The following ANKH variants were observed in gnomAD, a reference collection of about 807,000 sequenced individuals.
The protein encoded by ANKH is mineralization regulator ANKH.
In ANKH, 15 loss-of-function variants were observed where a neutral mutation model predicts 49.0. The ratio of observed to expected loss-of-function variants is 0.31; its 90% CI spans 0.20 to 0.47. The LOEUF (loss-of-function observed/expected upper bound fraction) is 0.47. ANKH is among the 20% of genes least tolerant of loss of function. ANKH has a pLI of 1.00. For missense variants in ANKH, 429 were observed against 652.0 expected, an observed-to-expected ratio of 0.66 and a Z score of 3.72; for synonymous variants, 273 against 260.0, an observed-to-expected ratio of 1.05 and a Z score of -0.48.
At chr5:14,804,813 T>C (rs1433175262) in intron 1 of ANKH, among the ~76,000 whole-genome samples, 1 of 152,154 alleles carries the variant, frequency 6.6e-6, no homozygotes, top group Non-Finnish European at 1.5e-5. Flanking sequence ...TCCCCAGGCA[T>C]AGGATTTGGT....
intron 1 of ANKH, among the ~76,000 whole-genome samples, chr5:14,815,105 A>G (rs1380749829): frequency 6.6e-6 from 1 of 152,150 alleles, no homozygotes; most frequent in Non-Finnish European, 1.5e-5. Context: ...AATTCTGTAA[A>G]CTGTGTAGAA....
At chr5:14,857,211 G>A (rs1271463324) in intron 1 of ANKH, among the ~76,000 whole-genome samples, 6 of 152,058 alleles carry the variant, frequency 3.9e-5, no homozygotes, top group African/African-American at 1.4e-4. Flanking sequence ...CCCTGCAGGA[G>A]GTGAGATCTT....
chr5:14,794,389 T>C (rs551928798), intron 1 of ANKH, among the ~76,000 whole-genome samples: 45 of 152,342 alleles, frequency 3.0e-4, no homozygotes, highest in Admixed American at 8.5e-4. Flanking sequence ...GCCCTGGCCG[T>C]GAACGTGGGC....
intron 1 of ANKH, among the ~76,000 whole-genome samples, chr5:14,866,024 A>G (rs1047188266): frequency 6.6e-6 from 1 of 152,196 alleles, no homozygotes; most frequent in African/African-American, 2.4e-5. Context: ...ATACAAGGCA[A>G]TTTGAAATAT....
chr5:14,818,472 T>C (rs1741103218), intron 1 of ANKH, among the ~76,000 whole-genome samples: 1 of 151,558 alleles, frequency 6.6e-6, no homozygotes, highest in Non-Finnish European at 1.5e-5. Flanking sequence ...TGAACCCCTA[T>C]CTCTACTAAA....
Position 14,725,662 on chromosome 5 carries a change from G to A in ANKH, c.1012-8827C>T, listed in dbSNP as rs377173573. Among the ~76,000 whole-genome samples, 19 of 152,372 alleles carry A rather than the reference G, an allele frequency of 1.2e-4. No individual in the cohort carries two copies. Among genetic ancestry groups the A allele is most frequent in the African/African-American group, 4.6e-4 (19 of 41,576 alleles). Reference sequence around the variant, plus strand: ...AACGCTAGCAGGGGAGTCCTCTGGAGGTGGTGAGATTAGGACTGATTGAAT... The same window carrying A: ...AACGCTAGCAGGGGAGTCCTCTGGAAGTGGTGAGATTAGGACTGATTGAAT... On this transcript the variant is annotated intron_variant, in intron 8 of 11. Transcript: ENST00000284268. This position sits in a 1 kb window ranked among gnomAD's most constrained non-coding sequence, Gnocchi z 4.0.
chr5:14,796,470 C>T (rs1017601838), intron 1 of ANKH, among the ~76,000 whole-genome samples: 6 of 104,970 alleles, frequency 5.7e-5, no homozygotes, highest in African/African-American at 2.2e-4. Context: ...AAAAAACACA[C>T]ACCAACAAAA....
chr5:14,720,641 G>A (rs1737629649), intron 8 of ANKH, among the ~76,000 whole-genome samples: 2 of 152,160 alleles, frequency 1.3e-5, no homozygotes, highest in Non-Finnish European at 2.9e-5. Context: ...AGTCTGGGCT[G>A]GCTCTGTGCC....
At chr5:14,766,503 A>G (rs557514931) in intron 2 of ANKH, among the ~76,000 whole-genome samples, 1 of 152,332 alleles carries the variant, frequency 6.6e-6, no homozygotes, top group East Asian at 1.9e-4. Context: ...CCCAACCCCA[A>G]AAAGAAAGAA....
chr5:14,818,310 C>G (rs1741097575), intron 1 of ANKH, among the ~76,000 whole-genome samples: 1 of 152,034 alleles, frequency 6.6e-6, no homozygotes, highest in Non-Finnish European at 1.5e-5. Context: ...CCTCCTCTCC[C>G]TCTTGGTGCT....
At chr5:14,755,127 T>C (rs1395366594) in intron 4 of ANKH, among the ~76,000 whole-genome samples, 1 of 151,760 alleles carries the variant, frequency 6.6e-6, no homozygotes, top group Non-Finnish European at 1.5e-5. Context: ...AACCTCTTCC[T>C]CTATGAAGAA....
intron 1 of ANKH, among the ~76,000 whole-genome samples, chr5:14,804,874 T>A (rs1740660340): frequency 6.6e-6 from 1 of 152,208 alleles, no homozygotes; most frequent in South Asian, 2.1e-4. Flanking sequence ...CACTGGGACG[T>A]CTTGTGTGAG....
At chr5:14,766,847 A>G (rs1280696353) in intron 2 of ANKH, among the ~76,000 whole-genome samples, 3 of 152,198 alleles carry the variant, frequency 2.0e-5, no homozygotes, top group African/African-American at 4.8e-5. Flanking sequence ...AATCAGGAAG[A>G]CTGCTTGAAA....
intron 1 of ANKH, among the ~76,000 whole-genome samples, chr5:14,828,936 C>T (rs559831219): frequency 4.8e-4 from 73 of 152,224 alleles, no homozygotes; most frequent in Non-Finnish European, 9.3e-4. Flanking sequence ...CCTGTAATCC[C>T]AACACTTTGG....
chr5:14,858,664 C>G (rs1417731985), intron 1 of ANKH, among the ~76,000 whole-genome samples: 2 of 150,860 alleles, frequency 1.3e-5, no homozygotes, highest in Non-Finnish European at 2.9e-5. Flanking sequence ...TGCAGTGAGC[C>G]GAGATCGGGC....
intron 4 of ANKH, among the ~76,000 whole-genome samples, chr5:14,755,033 G>T (rs1738837948): frequency 7.1e-6 from 1 of 141,432 alleles, no homozygotes; most frequent in Non-Finnish European, 1.5e-5. Flanking sequence ...CCGAGATTGT[G>T]CCATTCGACA....
At chr5:14,832,852 A>C (rs1330238560) in intron 1 of ANKH, among the ~76,000 whole-genome samples, 1 of 152,232 alleles carries the variant, frequency 6.6e-6, no homozygotes, top group Admixed American at 6.5e-5. Context: ...GAATATGGCT[A>C]TCGAGATACT....
chr5:14,753,356 A>C (rs1369920142), intron 4 of ANKH, among the ~76,000 whole-genome samples: 2 of 152,206 alleles, frequency 1.3e-5, no homozygotes, highest in Non-Finnish European at 2.9e-5. Context: ...CCTTTTGCAG[A>C]AGCACCGCGC....
At chr5:14,798,674 T>C (rs1268805187) in intron 1 of ANKH, among the ~76,000 whole-genome samples, 1 of 152,156 alleles carries the variant, frequency 6.6e-6, no homozygotes, top group Non-Finnish European at 1.5e-5. Context: ...GTGTGATAGG[T>C]GATCTTTAAT....
Sources: gnomAD v4.1 joint callset for allele counts (sites outside exome capture counted in the v4.1 genomes callset) on GRCh38, gnomAD v4.1.1 for gene constraint, Gnocchi (gnomAD v3.1) non-coding constraint, MANE v1.5 for transcripts, NCBI Gene and HGNC (gene_info 2026-07-23, HGNC 2026-07-21) for gene names.